The following TFDP2 variants were observed in gnomAD, a reference collection of about 807,000 sequenced individuals.
TFDP2 encodes transcription factor Dp-2 (E2F dimerization partner 2).
In TFDP2, 17 loss-of-function variants were observed where a neutral mutation model predicts 59.3. That is an observed-to-expected ratio of 0.29 (90% confidence interval 0.20 to 0.43). TFDP2 has a LOEUF of 0.43. Ranked by LOEUF, TFDP2 falls within the 20% of genes least tolerant of loss-of-function variation. The probability of loss-of-function intolerance (pLI) is 1.00; values close to 1 mark genes in which losing one functional copy is unlikely to be tolerated. For synonymous variants in TFDP2, 180 were observed against 194.7 expected (o/e 0.92, Z 0.63); for missense variants, 391 against 528.8 (o/e 0.74, Z 2.56).
chr3:141,992,662 G>A (rs11569214), intron 6 of TFDP2, among the ~76,000 whole-genome samples: 10,649 of 152,198 alleles, frequency 0.07, 470 homozygotes, highest in Non-Finnish European at 0.11. Flanking sequence ...TGTTGAAAAC[G>A]ATTAGCACCA....
intron 6 of TFDP2, among the ~76,000 whole-genome samples, chr3:141,988,866 T>A (rs897616873): frequency 1.3e-5 from 2 of 151,996 alleles, no homozygotes; most frequent in African/African-American, 4.8e-5. Flanking sequence ...TTTCACCATG[T>A]GGGCCAGGAT....
At chr3:142,115,487 T>G (rs527568023) in intron 1 of TFDP2, among the ~76,000 whole-genome samples, 1 of 152,012 alleles carries the variant, frequency 6.6e-6, no homozygotes, top group Non-Finnish European at 1.5e-5. Context: ...CCTGGCTAAT[T>G]TTTTGTATTT....
Position 141,952,516 on chromosome 3 carries a change from T to A in TFDP2, c.1338A>T (p.Glu446Asp). 1 of 1,535,320 alleles carries A rather than the reference T, an allele frequency of 6.5e-7. No individual in the cohort carries two copies. Among genetic ancestry groups the A allele is most frequent in the Non-Finnish European group, 8.7e-7 (1 of 1,149,616 alleles). Residue 446 changes from glutamate to aspartate, a missense_variant, in exon 13 of 13, where the codon GAA (glutamate) becomes GAT (aspartate). Glu to Asp is a conservative substitution (Grantham distance 45). Transcript: ENST00000489671. ...EDDEEDSSSP[E>D] ...AAACGTAGGCTTTCTCTTGTCTTTA[T>A]TCTGGGGAGGAGGAATCCTCCTCAT...
chr3:141,953,288 CTT>C (rs1176508420), intron 11 of TFDP2, among the ~76,000 whole-genome samples: 1 of 152,164 alleles, frequency 6.6e-6, no homozygotes, highest in African/African-American at 2.4e-5. Flanking sequence ...CTTTCTTACT[CTT>C]TTTCTTAGAT....
At chr3:142,111,844 T>C (rs1249837198) in intron 1 of TFDP2, among the ~76,000 whole-genome samples, 8 of 152,124 alleles carry the variant, frequency 5.3e-5, no homozygotes, top group Admixed American at 5.2e-4. Flanking sequence ...GGCAGGAAGA[T>C]CACTTGCGCT....
At position 141,952,713 on chromosome 3, in the gene TFDP2, A is replaced by G; in HGVS notation, c.1158-17T>C. 1 of 1,607,528 alleles carries G rather than the reference A, an allele frequency of 6.2e-7. No individual in the cohort carries two copies. The highest frequency in any genetic ancestry group is 8.5e-7 in the Non-Finnish European group (1 of 1,178,528). On this transcript the variant is annotated splice_polypyrimidine_tract_variant and intron_variant, in intron 12 of 12. Transcript: ENST00000489671. ...TGGTTTACACTAGCAAACAATTAAA[A>G]ACACACAGGCTCATTAATGTGGTAT...
intron 4 of TFDP2, among the ~76,000 whole-genome samples, chr3:142,001,898 T>C (rs1943804319): frequency 6.6e-6 from 1 of 152,180 alleles, no homozygotes; most frequent in Non-Finnish European, 1.5e-5. Flanking sequence ...AGATAGAGTC[T>C]TACTCTGTCA....
intron 1 of TFDP2, among the ~76,000 whole-genome samples, chr3:142,124,762 T>C (rs889742691): frequency 6.6e-6 from 1 of 151,982 alleles, no homozygotes; most frequent in Non-Finnish European, 1.5e-5. Flanking sequence ...ACTATGTAAA[T>C]CATAAGAAAA....
At chr3:141,978,777 G>A in intron 6 of TFDP2, 95 bp from the exon 7 acceptor site, 1 of 944,758 alleles carries the variant, frequency 1.1e-6, no homozygotes, top group Non-Finnish European at 1.4e-6. Context: ...AGTAATTTAA[G>A]TTTTACTTCA....
At chr3:142,026,343 C>CA (rs1050264321) in intron 3 of TFDP2, among the ~76,000 whole-genome samples, 1 of 151,706 alleles carries the variant, frequency 6.6e-6, no homozygotes, top group African/African-American at 2.4e-5. Context: ...AAAAAAACAA[C>CA]AAAAAAATAA....
chr3:142,101,974 T>A (rs917840219), intron 1 of TFDP2, 133 bp from the exon 2 acceptor site: 3 of 392,374 alleles, frequency 7.6e-6, no homozygotes, highest in African/African-American at 6.1e-5. Flanking sequence ...CACTATGAGG[T>A]TTGTACCATC....
rs367970978 is a variant in TFDP2, at chr3:142,131,648, C to T, written c.-93+17535G>A. ...ATATAATGGTAAAGAAAATCCAACA[C>T]CAACAAAGAATACTTAGTAATAAAT... On this transcript the variant is annotated intron_variant, in intron 1 of 12. Coordinates refer to ENST00000489671, the MANE Select transcript of TFDP2 (RefSeq NM_001178139.2). Among the ~76,000 whole-genome samples, 16 of 150,086 alleles carry T rather than the reference C, an allele frequency of 1.1e-4. 1 individual carries two copies. Among genetic ancestry groups the T allele is most frequent in the African/African-American group, 4.0e-4 (16 of 39,644 alleles).
At chr3:141,965,561 G>A (rs1286107251) in intron 9 of TFDP2, among the ~76,000 whole-genome samples, 3 of 144,500 alleles carry the variant, frequency 2.1e-5, no homozygotes, top group Non-Finnish European at 4.6e-5. Context: ...GGAAGGGGGA[G>A]GGGAAGGGGA....
At chr3:142,004,274 C>T (rs1944045369) in intron 4 of TFDP2, among the ~76,000 whole-genome samples, 1 of 152,174 alleles carries the variant, frequency 6.6e-6, no homozygotes, top group Non-Finnish European at 1.5e-5. Flanking sequence ...AGGAAAATAT[C>T]ATGTCTAGAA....
At chr3:142,060,962 G>A (rs570220160) in intron 3 of TFDP2, among the ~76,000 whole-genome samples, 1 of 152,210 alleles carries the variant, frequency 6.6e-6, no homozygotes, top group East Asian at 1.9e-4. Context: ...TTTCATATGA[G>A]AACGTCTTTA....
intron 1 of TFDP2, among the ~76,000 whole-genome samples, chr3:142,107,902 T>C (rs1362152146): frequency 6.6e-6 from 1 of 152,210 alleles, no homozygotes; most frequent in Non-Finnish European, 1.5e-5. Flanking sequence ...GAGAAAATGA[T>C]AACCTACTAT....
intron 3 of TFDP2, among the ~76,000 whole-genome samples, chr3:142,069,189 C>G (rs2060163539): frequency 6.6e-6 from 1 of 152,154 alleles, no homozygotes; most frequent in Non-Finnish European, 1.5e-5. Context: ...GCTGGGATTA[C>G]AGGAGTGAGA....
At chr3:142,128,040 G>T (rs907772716) in intron 1 of TFDP2, among the ~76,000 whole-genome samples, 2 of 152,046 alleles carry the variant, frequency 1.3e-5, no homozygotes, top group Admixed American at 6.6e-5. Flanking sequence ...TTAACAAAAA[G>T]ATTTTTTAAA....
chr3:142,055,933 T>C lies in TFDP2; in HGVS notation c.82+37128A>G, dbSNP rs552898196. Among the ~76,000 whole-genome samples the C allele has an allele frequency of 2.0e-5, 3 of 149,958 alleles. No individual in the cohort carries two copies. The East Asian group carries it at 5.9e-4, about 29-fold the overall frequency. On this transcript the variant is annotated intron_variant, in intron 3 of 12. Transcript: ENST00000489671. ...TTCTTGGAAAGCCCACATGCATTTA[T>C]TAAGTACCTTTTTTTTTTTTTTTTT... is the stretch of plus-strand genomic sequence containing the variant.
Sources: allele counts gnomAD v4.1 joint callset (sites outside exome capture counted in the v4.1 genomes callset), GRCh38; gene constraint gnomAD v4.1.1; transcripts MANE v1.5; gene names NCBI Gene and HGNC (gene_info 2026-07-23, HGNC 2026-07-21).